MGA: variants seen among roughly 807,000 people sequenced by gnomAD.
The protein encoded by MGA is MAX dimerization protein MGA.
A neutral mutation model predicts 261.1 loss-of-function variants in MGA; 40 were observed. That is an observed-to-expected ratio of 0.15 (90% confidence interval 0.12 to 0.20). MGA has a LOEUF of 0.20. MGA is among the 10% of genes least tolerant of loss of function. The probability of loss-of-function intolerance (pLI) is 1.00; values close to 1 mark genes in which losing one functional copy is unlikely to be tolerated. For synonymous variants in MGA, 1,302 were observed against 1,290.6 expected, an observed-to-expected ratio of 1.01 and a Z score of -0.19; for missense variants, 3,397 against 3,630.5, an observed-to-expected ratio of 0.94 and a Z score of 1.65.
Position 41,767,542 on chromosome 15 carries a change from C to G in MGA, c.*262C>G. The G allele has an allele frequency of 2.2e-6, 1 of 462,998 alleles. No homozygotes were observed. The highest frequency in any genetic ancestry group is 3.8e-6 in the Non-Finnish European group (1 of 259,816). The allele number at this position is 462,998 out of a possible 1,614,324, so 28.7% of individuals were successfully genotyped here. ...TAAGAAGATGTGATCCATTACTGAACATGAGGTGCCCCTCTTACCCAAGGA... is the reference window on the plus strand; with the variant it reads ...TAAGAAGATGTGATCCATTACTGAAGATGAGGTGCCCCTCTTACCCAAGGA... On this transcript the variant is annotated 3_prime_UTR_variant, in exon 24 of 24. Transcript: ENST00000219905.
chr15:41,660,751 C>T (rs975492677), intron 1 of MGA, among the ~76,000 whole-genome samples: 2 of 152,200 alleles, frequency 1.3e-5, no homozygotes, highest in Non-Finnish European at 2.9e-5. Context: ...GGCCTCACTT[C>T]CGCGTCGCTC....
Position 41,748,707 on chromosome 15 carries a change from A to C in MGA, c.5283A>C (p.Arg1761=), listed in dbSNP as rs1409724568. The change falls in exon 16 of 24, where the codon CGA becomes CGC. Residue 1761 remains arginine, a synonymous_variant. Coordinates refer to ENST00000219905, the MANE Select transcript of MGA (RefSeq NM_001164273.2). The stretch of plus-strand genomic sequence containing the variant: ...ACACAGTGAAACGTGCTGGACCTCG[A>C]TTGTTGTTGATTCCAGTGCAGCAGG... 1 of 1,613,932 alleles carries C rather than the reference A, an allele frequency of 6.2e-7. No homozygotes were observed.
intron 3 of MGA, among the ~76,000 whole-genome samples, chr15:41,698,562 G>A (rs544279645): frequency 6.6e-6 from 1 of 152,174 alleles, no homozygotes; most frequent in African/African-American, 2.4e-5. Context: ...CTGAATATAG[G>A]CTCTGAGAAG....
intron 1 of MGA, among the ~76,000 whole-genome samples, chr15:41,622,377 A>G (rs1210690702): frequency 2.0e-5 from 3 of 152,150 alleles, no homozygotes; most frequent in South Asian, 2.1e-4. Context: ...CTTAAAAATT[A>G]TAATGAGACA....
intron 1 of MGA, among the ~76,000 whole-genome samples, chr15:41,661,693 C>G (rs1280016206): frequency 6.6e-6 from 1 of 152,200 alleles, no homozygotes; most frequent in Non-Finnish European, 1.5e-5. Flanking sequence ...TGTTGTAGAG[C>G]TTGCCAGGCT....
At chr15:41,677,824 G>A (rs1033538302) in intron 2 of MGA, among the ~76,000 whole-genome samples, 1 of 151,998 alleles carries the variant, frequency 6.6e-6, no homozygotes, top group African/African-American at 2.4e-5. Flanking sequence ...ATATATTTTG[G>A]ATATTAATCC....
At chr15:41,657,551 TC>T (rs781500313), upstream of MGA, among the ~76,000 whole-genome samples, 54 of 151,984 alleles carry the variant, frequency 3.6e-4, 1 homozygote, top group Middle Eastern at 3.4e-3. Context: ...AGACGGGGTT[TC>T]ACCATGTTGG....
chr15:41,714,500 T>G (rs1227352378), intron 9 of MGA, among the ~76,000 whole-genome samples: 2 of 152,200 alleles, frequency 1.3e-5, no homozygotes, highest in Non-Finnish European at 2.9e-5. Flanking sequence ...ATGCCAGTAG[T>G]CAGATACTGG....
intron 18 of MGA, 104 bp from the exon 19 acceptor site, chr15:41,757,684 A>G (rs1329542681): frequency 1.5e-5 from 13 of 849,378 alleles, no homozygotes; most frequent in Non-Finnish European, 2.2e-5. Flanking sequence ...ACACCTTGGG[A>G]AAAAGAAACT....
intron 2 of MGA, among the ~76,000 whole-genome samples, chr15:41,681,939 T>G (rs1453698213): frequency 1.3e-5 from 2 of 151,984 alleles, no homozygotes; most frequent in African/African-American, 2.4e-5. Flanking sequence ...TTTTCCGAGA[T>G]GGAGTTTTGC....
At chr15:41,624,658 CG>C (rs2056401661) in intron 1 of MGA, among the ~76,000 whole-genome samples, 1 of 152,028 alleles carries the variant, frequency 6.6e-6, no homozygotes. Flanking sequence ...TTAGTAGAGA[CG>C]GGGTTTCACC....
At chr15:41,672,010 T>C (rs80331867) in intron 2 of MGA, among the ~76,000 whole-genome samples, 5,015 of 152,286 alleles carry the variant, frequency 0.033, 139 homozygotes, top group South Asian at 0.07. Context: ...ATAATTAAAA[T>C]AAGATTTAAA....
chr15:41,685,714 C>A (rs548946007), intron 2 of MGA, among the ~76,000 whole-genome samples: 1 of 152,216 alleles, frequency 6.6e-6, no homozygotes, highest in Non-Finnish European at 1.5e-5. Flanking sequence ...CCAGTTTTGG[C>A]TGGACGTGGT....
intron 5 of MGA, among the ~76,000 whole-genome samples, chr15:41,706,004 C>G (rs541928215): frequency 6.6e-6 from 1 of 151,794 alleles, no homozygotes; most frequent in South Asian, 2.1e-4. Flanking sequence ...TTTGGGAGGC[C>G]GAGGCGGGCG....
intron 11 of MGA, among the ~76,000 whole-genome samples, chr15:41,731,535 A>T (rs944519127): frequency 5.3e-5 from 8 of 152,028 alleles, no homozygotes; most frequent in Non-Finnish European, 8.8e-5. Flanking sequence ...CATTTTGGAT[A>T]AAAAAAACTT....
intron 1 of MGA, among the ~76,000 whole-genome samples, chr15:41,630,305 T>G (rs2056560543): frequency 6.6e-6 from 1 of 152,182 alleles, no homozygotes; most frequent in Admixed American, 6.6e-5. Flanking sequence ...CACTGCATGG[T>G]ACTTCCTCAG....
At chr15:41,684,408 A>G (rs1220195057) in intron 2 of MGA, 2 of 453,652 alleles carry the variant, frequency 4.4e-6, no homozygotes, top group Non-Finnish European at 4.4e-6. Context: ...TCTTTTGCCT[A>G]ATTTATTTGG....
At chr15:41,677,245 G>A (rs1219991057) in intron 2 of MGA, among the ~76,000 whole-genome samples, 9 of 152,164 alleles carry the variant, frequency 5.9e-5, no homozygotes, top group Non-Finnish European at 1.0e-4. Flanking sequence ...GTGTCCAAGC[G>A]ATCCTCCCAC....
At chr15:41,673,067 C>T (rs920914454) in intron 2 of MGA, among the ~76,000 whole-genome samples, 4 of 152,094 alleles carry the variant, frequency 2.6e-5, no homozygotes, top group Non-Finnish European at 4.4e-5. Flanking sequence ...TGGCTTTTAC[C>T]ATACCATTCA....
Sources: allele counts gnomAD v4.1 joint callset (sites outside exome capture counted in the v4.1 genomes callset), GRCh38; gene constraint gnomAD v4.1.1; transcripts MANE v1.5; gene names NCBI Gene and HGNC (gene_info 2026-07-23, HGNC 2026-07-21).